The following EML3 variants were observed in gnomAD, a reference collection of about 807,000 sequenced individuals.
EML3 encodes EMAP like 3.
Under a neutral mutation model 106.7 loss-of-function variants are expected in EML3, and 53 were observed. That is an observed-to-expected ratio of 0.50 (90% confidence interval 0.40 to 0.62). The LOEUF (loss-of-function observed/expected upper bound fraction) is 0.62. EML3 is among the 20% of genes least tolerant of loss of function. EML3 has a pLI of 0.00. For synonymous variants in EML3, 499 were observed against 489.6 expected, an observed-to-expected ratio of 1.02 and a Z score of -0.25; for missense variants, 994 against 1,209.1, an observed-to-expected ratio of 0.82 and a Z score of 2.64.
At chr11:62,608,933 G>A (rs1454012502) in intron 7 of EML3, 29 bp downstream of exon 7, 2 of 1,609,604 alleles carry the variant, frequency 1.2e-6, no homozygotes, top group Non-Finnish European at 1.7e-6. Context: ...CCCTCTTCCT[G>A]CCAAGCCCAC....
At position 62,602,528 on chromosome 11, in the gene EML3, C is replaced by G. The variant is rs1391006724; in HGVS notation, c.2638G>C (p.Ala880Pro). The G allele has an allele frequency of 6.7e-7, 1 of 1,492,754 alleles. No homozygotes were observed. Among genetic ancestry groups the G allele is most frequent in the Non-Finnish European group, 8.9e-7 (1 of 1,121,460 alleles). 92.5% of individuals were successfully genotyped at this position (1,492,754 alleles called of 1,614,324 possible). Reference sequence around the variant, plus strand: ...AGGGAGGGGGTTCGAGAGGGCGTGGCGGGCGCCGGCCCCGCGCCCCCAGCG... The same window carrying G: ...AGGGAGGGGGTTCGAGAGGGCGTGGGGGGCGCCGGCCCCGCGCCCCCAGCG... ...LGAGGAGPAP[A>P]TPSRTPSLSP... Residue 880 changes from alanine (A) to proline (P), a missense_variant, in exon 22 of 22, where the codon GCC becomes CCC. Around this residue, in one of 3 missense-constraint regions of EML3, gnomAD observed 713 missense variants for 920.5 expected, o/e 0.77. Transcript: ENST00000394773.
At chr11:62,603,329 C>A in intron 19 of EML3, 82 bp from the exon 20 acceptor site, 1 of 1,370,500 alleles carries the variant, frequency 7.3e-7, no homozygotes, top group Admixed American at 1.7e-5. Flanking sequence ...ACTGGAAAGA[C>A]TGGCATGAAA....
chr11:62,612,372 G>A, intron 1 of EML3, 64 bp downstream of exon 1: 1 of 1,470,264 alleles, frequency 6.8e-7, no homozygotes, highest in Non-Finnish European at 9.1e-7. Context: ...GTCCAGCTCT[G>A]GCATAACCCG....
In EML3 at chr11:62,605,149, C is replaced by T. The variant is rs764007100; in HGVS notation, c.1946G>A (p.Ser649Asn). 1.7e-5 allele frequency: 27 copies of T among 1,613,232 alleles called. No individual in the cohort carries two copies. Among genetic ancestry groups the T allele is most frequent in the East Asian group, 1.6e-4 (7 of 44,822 alleles). The part of the protein sequence containing the change: ...ETGLCADFHP[S>N]GAVVAVGLNT... ...CAGTCCTACGGCCACAACTGCCCCA[C>T]TCGGGTGGAAGTCAGCACAGAGACC... Residue 649 changes from serine to asparagine, a missense_variant, in exon 16 of 22, where the codon AGT becomes AAT. Ser to Asn is a conservative substitution (Grantham distance 46). This residue lies in a region of EML3 where 713 missense variants were observed against 920.5 expected (regional missense o/e 0.77). Coordinates refer to ENST00000394773, the MANE Select transcript of EML3 (RefSeq NM_153265.3). This position sits in a 1 kb window ranked among gnomAD's most constrained non-coding sequence, Gnocchi z 5.2.
At position 62,607,073 on chromosome 11, in the gene EML3, AG is replaced by A; in HGVS notation, c.1388del (p.Pro463LeufsTer67). Reference sequence around the variant, plus strand: ...CTCCATCCGGAAGGAACACAAAGCAAGGGATAAACTTGGGTTTCTTGTATTT... The same window carrying A: ...CTCCATCCGGAAGGAACACAAAGCAAGGATAAACTTGGGTTTCTTGTATTT... ...FGKYKKPKFI[P>X]CFVFLPDGDI... On this transcript the variant is annotated frameshift_variant, in exon 12 of 22. Transcript: ENST00000394773. LOFTEE classifies it high-confidence loss of function. The A allele has an allele frequency of 6.2e-7, 1 of 1,614,096 alleles. No individual in the cohort carries two copies. Among genetic ancestry groups the A allele is most frequent in the Non-Finnish European group, 8.5e-7 (1 of 1,179,980 alleles).
chr11:62,602,674 G>C lies in EML3; in HGVS notation c.2492C>G (p.Pro831Arg). Residue 831 changes from proline to arginine, a missense_variant, in exon 22 of 22, where the codon CCG (proline) becomes CGG (arginine). Coordinates refer to ENST00000394773, the MANE Select transcript of EML3 (RefSeq NM_153265.3). ...GCCGTGGCCCCCGTACATGCGGCTC[G>C]GCGCCTGGGCCGGAGGGAAGAGTTG... The part of the protein sequence containing the change: ...FQYPCARAKA[P>R]SRMYGGHGSH... 1 of 1,596,786 alleles carries C rather than the reference G, an allele frequency of 6.3e-7. No individual in the cohort carries two copies. Among genetic ancestry groups the C allele is most frequent in the Non-Finnish European group, 8.5e-7 (1 of 1,174,778 alleles).
intron 10 of EML3, 71 bp from the exon 11 acceptor site, chr11:62,607,892 T>G (rs1590752630): frequency 6.5e-7 from 1 of 1,548,404 alleles, no homozygotes; most frequent in South Asian, 1.2e-5. Flanking sequence ...TCTCCTCAAT[T>G]TGCATCATGA....
At position 62,611,462 on chromosome 11, in the gene EML3, G is replaced by C; in HGVS notation, c.157C>G (p.Leu53Val). 6.2e-7 allele frequency: 1 copy of C among 1,613,868 alleles called. No individual in the cohort carries two copies. The highest frequency in any genetic ancestry group is 1.1e-5 in the South Asian group (1 of 91,080). ...GGAGCTGGTGTGCCAGAGCCCTGCAGGGAGGAAGGGGGCACCTGCAGCCGC... is the reference window on the plus strand; with the variant it reads ...GGAGCTGGTGTGCCAGAGCCCTGCACGGAGGAAGGGGGCACCTGCAGCCGC... ...LLRLQVPPSS[L>V]QGSGTPAPPG... The change falls in exon 2 of 22, where the codon CTG becomes GTG. Residue 53 changes from leucine (L) to valine (V), a missense_variant. Physicochemically the swap from Leu to Val is conservative, Grantham distance 32. Transcript: ENST00000394773.
chr11:62,609,200 CAG>C (rs745755801), intron 6 of EML3, 68 bp from the exon 7 acceptor site: 3 of 1,599,636 alleles, frequency 1.9e-6, no homozygotes, highest in South Asian at 2.2e-5. Context: ...GGGAGAAAGA[CAG>C]AGCTTCTGGC....
In EML3 at chr11:62,602,852, G is replaced by A. The variant is rs958735342; in HGVS notation, c.2394C>T (p.Asn798=). 2 of 1,600,676 alleles carry A rather than the reference G, an allele frequency of 1.2e-6. No individual in the cohort carries two copies. The highest frequency in any genetic ancestry group is 2.7e-5 in the African/African-American group (2 of 74,834). The stretch of plus-strand genomic sequence containing the variant: ...GCTCGTTGTGGGAGCGGCACAGGGA[G>A]TTGATGTCGGTCCCATCGGAGCCGT... ...WPDGSDGTDI[N]SLCRSHNERV... Residue 798 remains asparagine, a synonymous_variant, in exon 21 of 22, where the codon AAC becomes AAT. Transcript: ENST00000394773.
intron 18 of EML3, 63 bp downstream of exon 18, chr11:62,603,881 T>A: frequency 6.2e-7 from 1 of 1,611,422 alleles, no homozygotes; most frequent in Non-Finnish European, 8.5e-7. Context: ...GCCCCCTTGA[T>A]GCATCAGACC....
At position 62,611,102 on chromosome 11, in the gene EML3, G is replaced by T. The variant is rs200143413; in HGVS notation, c.437C>A (p.Pro146Gln). The T allele has an allele frequency of 1.3e-6, 2 of 1,597,522 alleles. No homozygotes were observed. The highest frequency in any genetic ancestry group is 2.2e-5 in the East Asian group (1 of 44,674). The change falls in exon 3 of 22, where the codon CCA (proline) becomes CAA (glutamine). Residue 146 changes from proline (P) to glutamine (Q), a missense_variant. Physicochemically the swap from Pro to Gln is moderately conservative, Grantham distance 76. Coordinates refer to ENST00000394773, the MANE Select transcript of EML3 (RefSeq NM_153265.3). ...GGACACCTACGTGTCAGCACGCTGT[G>T]GGGGCTGCAAGGGCCTGAGGATCCC... ...PPGILRPLQPPQRADTPRRNS... is the reference protein window; with the variant it reads ...PPGILRPLQPQQRADTPRRNS...
At chr11:62,607,348 C>T in intron 11 of EML3, 1 of 455,756 alleles carries the variant, frequency 2.2e-6, no homozygotes, top group Non-Finnish European at 3.8e-6. Context: ...AAAAAACGGG[C>T]ATGATGGCCA....
rs1418298342 is a variant in EML3 at position 62,605,672 on chromosome 11, G to A, written c.1884C>T (p.Ser628=). 6.3e-7 allele frequency: 1 copy of A among 1,584,464 alleles called. No individual in the cohort carries two copies. The highest frequency in any genetic ancestry group is 2.2e-5 in the East Asian group (1 of 44,760). Residue 628 remains serine, a synonymous_variant, in exon 15 of 22, where the codon AGC becomes AGT. Transcript: ENST00000394773. This position sits in a 1 kb window ranked among gnomAD's most constrained non-coding sequence, Gnocchi z 5.2. ...DRQLCLWDGE[S]HALAWSIDLK... Reference sequence around the variant, plus strand: ...GGTCGATGCTCCAGGCCAGTGCATGGCTCTCCCCATCCCACAGGCAGAGCT... The same window carrying A: ...GGTCGATGCTCCAGGCCAGTGCATGACTCTCCCCATCCCACAGGCAGAGCT...
chr11:62,607,557 G>A, intron 11 of EML3, 109 bp downstream of exon 11: 1 of 1,284,886 alleles, frequency 7.8e-7, no homozygotes, highest in Non-Finnish European at 1.1e-6. Flanking sequence ...AAAAAAAAAG[G>A]TCACAGGGGC....
chr11:62,605,642 C>T lies in EML3; in HGVS notation c.1914G>A (p.Lys638=). The stretch of plus-strand genomic sequence containing the variant: ...GGGATCCAGGGGCACAGGGCTCTAC[C>T]TTGAGGTCGATGCTCCAGGCCAGTG... ...SHALAWSIDL[K]ETGLCADFHP... The change falls in exon 15 of 22, where the codon AAG becomes AAA. Residue 638 remains lysine (K), a splice_region_variant and synonymous_variant. Transcript: ENST00000394773. The surrounding 1 kb of genome is among the most constrained non-coding windows in gnomAD (Gnocchi z 5.2). 6.5e-7 allele frequency: 1 copy of T among 1,538,614 alleles called. No individual in the cohort carries two copies. The highest frequency in any genetic ancestry group is 8.8e-7 in the Non-Finnish European group (1 of 1,142,616).
rs373285518 is a variant in EML3 at position 62,611,628 on chromosome 11, A to G, written c.23-32T>C. 3.1e-6 allele frequency: 5 copies of G among 1,595,700 alleles called. No homozygotes were observed. The African/African-American group carries it at 5.4e-5, about 17-fold the overall frequency. ...AAAGGGCAAGAGGTACTCAGAATGT[A>G]CCCATCACCTGAAGAAAGCGTAGAG... On this transcript the variant is annotated intron_variant, in intron 1 of 21. Coordinates refer to ENST00000394773, the MANE Select transcript of EML3 (RefSeq NM_153265.3).
At chr11:62,606,381 A>G (rs1942521250) in intron 12 of EML3, 167 bp from the exon 13 acceptor site, 4 of 820,818 alleles carry the variant, frequency 4.9e-6, no homozygotes, top group East Asian at 2.7e-5. Flanking sequence ...CCATTTTACA[A>G]ACAGGACAAC....
At chr11:62,610,796 C>G (rs899774155) in intron 4 of EML3, 83 bp downstream of exon 4, 7 of 1,256,846 alleles carry the variant, frequency 5.6e-6, no homozygotes, top group Non-Finnish European at 6.7e-6. Flanking sequence ...CCCCCCACCC[C>G]AACCAGGGAT....
Sources: gnomAD v4.1 joint callset for allele counts on GRCh38, gnomAD v4.1.1 for gene constraint, gnomAD v4.1.1 regional missense constraint, Gnocchi (gnomAD v3.1) non-coding constraint, MANE v1.5 for transcripts, NCBI Gene and HGNC (gene_info 2026-07-23, HGNC 2026-07-21) for gene names.